The following SLC25A20 variants were observed in gnomAD, a reference collection of about 807,000 sequenced individuals.
SLC25A20 encodes the protein solute carrier family 25 member 20, also known as mitochondrial carnitine/acylcarnitine carrier protein.
Under a neutral mutation model 39.7 loss-of-function variants are expected in SLC25A20, and 29 were observed. That is an observed-to-expected ratio of 0.73 (90% CI 0.54 to 1.00). The LOEUF is 1.00. Ranked by LOEUF, SLC25A20 falls within the 50% of genes least tolerant of loss-of-function variation. SLC25A20 has a pLI of 0.00. For synonymous variants in SLC25A20, 103 were observed against 142.2 expected, an observed-to-expected ratio of 0.72 and a Z score of 1.96; for missense variants, 333 against 379.9, an observed-to-expected ratio of 0.88 and a Z score of 1.03.
intron 5 of SLC25A20, among the ~76,000 whole-genome samples, chr3:48,861,715 A>C (rs1435411074): frequency 3.3e-5 from 5 of 151,642 alleles, no homozygotes; most frequent in African/African-American, 9.7e-5. Context: ...TGACAGAGCA[A>C]GACTCTGTCT....
chr3:48,882,408 A>G (rs2083801385), intron 3 of SLC25A20, among the ~76,000 whole-genome samples: 1 of 152,172 alleles, frequency 6.6e-6, no homozygotes, highest in Non-Finnish European at 1.5e-5. Context: ...TCTTCTCTCA[A>G]TCAGGTGATA....
At chr3:48,898,654 C>T in intron 1 of SLC25A20, 36 bp downstream of exon 1, 1 of 1,551,394 alleles carries the variant, frequency 6.4e-7, no homozygotes, top group Non-Finnish European at 8.8e-7. Context: ...CCCGCCCGGG[C>T]CTCCTCCCCA....
Position 48,898,713 on chromosome 3 carries a change from C to T in SLC25A20, c.82G>A (p.Gly28Ser), listed in dbSNP as rs747335514. ...GFGGVCLVFVGHPLDTVKVRL... is the reference protein window; with the variant it reads ...GFGGVCLVFVSHPLDTVKVRL... ...ACCTTGACCGTGTCCAGAGGGTGAC[C>T]GACGAACACCAGGCACACGCCGCCA... Residue 28 changes from glycine (G) to serine (S), a missense_variant, in exon 1 of 9, where the codon GGT becomes AGT. Transcript: ENST00000319017. 1.2e-6 allele frequency: 2 copies of T among 1,607,344 alleles called. No homozygotes were observed. The highest frequency in any genetic ancestry group is 1.7e-5 in the Admixed American group (1 of 59,178).
intron 3 of SLC25A20, among the ~76,000 whole-genome samples, chr3:48,883,394 C>CA (rs758017067): frequency 2.1e-4 from 31 of 151,026 alleles, no homozygotes; most frequent in East Asian, 4.0e-4. Flanking sequence ...ACTAAACACA[C>CA]AAAAAAATTA....
chr3:48,858,719 A>G (rs1381513247), intron 7 of SLC25A20, 88 bp from the exon 8 acceptor site: 3 of 1,547,112 alleles, frequency 1.9e-6, no homozygotes. Context: ...GCACAGGGAA[A>G]GGACACCTTG....
intron 4 of SLC25A20, among the ~76,000 whole-genome samples, chr3:48,868,209 G>T (rs1160764823): frequency 6.6e-6 from 1 of 151,930 alleles, no homozygotes; most frequent in East Asian, 1.9e-4. Flanking sequence ...GAAGGTGGGG[G>T]GTTGAGAAGA....
At chr3:48,864,347 C>CAAAAAAA (rs55843120) in intron 4 of SLC25A20, among the ~76,000 whole-genome samples, 14 of 48,090 alleles carry the variant, frequency 2.9e-4, no homozygotes, top group Non-Finnish European at 4.2e-4. Flanking sequence ...GACTCTGTCT[C>CAAAAAAA]AAAAAAAAAA....
chr3:48,880,701 C>T (rs2083790191), intron 3 of SLC25A20, among the ~76,000 whole-genome samples: 1 of 151,658 alleles, frequency 6.6e-6, no homozygotes, highest in African/African-American at 2.4e-5. Context: ...ACCTCAACCT[C>T]CTGAGTAGCT....
intron 3 of SLC25A20, among the ~76,000 whole-genome samples, chr3:48,883,741 C>G (rs1323679150): frequency 6.6e-6 from 1 of 150,692 alleles, no homozygotes; most frequent in Non-Finnish European, 1.5e-5. Flanking sequence ...CCTGCCTCGG[C>G]CTTCCAAGTA....
intron 4 of SLC25A20, among the ~76,000 whole-genome samples, chr3:48,870,937 T>C (rs1373037289): frequency 1.3e-5 from 2 of 151,608 alleles, no homozygotes; most frequent in Non-Finnish European, 2.9e-5. Flanking sequence ...GTGATTCTTG[T>C]GCCTCAGCCA....
At chr3:48,866,787 C>T (rs2083672865) in intron 4 of SLC25A20, among the ~76,000 whole-genome samples, 1 of 151,636 alleles carries the variant, frequency 6.6e-6, no homozygotes, top group Admixed American at 6.6e-5. Context: ...CATGCCACCA[C>T]ACCTATTTTT....
intron 4 of SLC25A20, among the ~76,000 whole-genome samples, chr3:48,865,131 A>G (rs2083656877): frequency 1.1e-5 from 1 of 89,278 alleles, no homozygotes; most frequent in Admixed American, 1.4e-4. Context: ...AGTTGGAGAT[A>G]TAATTTTTTT....
intron 5 of SLC25A20, among the ~76,000 whole-genome samples, chr3:48,862,306 C>A (rs753715044): frequency 6.6e-6 from 1 of 152,176 alleles, no homozygotes; most frequent in African/African-American, 2.4e-5. Context: ...CTTGCCACTC[C>A]CCTCCAACTG....
At chr3:48,880,043 GC>G (rs912637389) in intron 3 of SLC25A20, among the ~76,000 whole-genome samples, 7 of 152,150 alleles carry the variant, frequency 4.6e-5, no homozygotes, top group Non-Finnish European at 1.0e-4. Context: ...CATGCAACGT[GC>G]TGTAAGACGC....
chr3:48,891,353 G>GC (rs1460140283), intron 2 of SLC25A20, among the ~76,000 whole-genome samples: 5 of 152,268 alleles, frequency 3.3e-5, no homozygotes, highest in African/African-American at 1.2e-4. Context: ...GGGATTATAG[G>GC]CGTAAGCCAC....
At position 48,885,761 on chromosome 3, in the gene SLC25A20, C is replaced by T. The variant is rs532471527; in HGVS notation, c.199-1637G>A. On this transcript the variant is annotated intron_variant, in intron 2 of 8. Coordinates refer to ENST00000319017, the MANE Select transcript of SLC25A20 (RefSeq NM_000387.6). ...AGGTTGCAGTGAGCCGAGATTGTGC[C>T]ACTGTACTCCAGCCTGGCAACACAG... Among the ~76,000 whole-genome samples, 3 of 152,190 alleles carry T rather than the reference C, an allele frequency of 2.0e-5. No homozygotes were observed. The South Asian group carries it at 6.2e-4, about 32-fold the overall frequency.
At chr3:48,897,775 A>C (rs1451845655) in intron 1 of SLC25A20, among the ~76,000 whole-genome samples, 1 of 152,052 alleles carries the variant, frequency 6.6e-6, no homozygotes, top group African/African-American at 2.4e-5. Flanking sequence ...ATGGGCTTCC[A>C]ATCTTTTAAA....
chr3:48,865,763 T>G (rs2083662848), intron 4 of SLC25A20, among the ~76,000 whole-genome samples: 1 of 146,734 alleles, frequency 6.8e-6, no homozygotes, highest in Non-Finnish European at 1.5e-5. Context: ...AGCGAGACTC[T>G]GTCTCAAACA....
chr3:48,870,327 G>A (rs1271512912), intron 4 of SLC25A20, among the ~76,000 whole-genome samples: 1 of 152,160 alleles, frequency 6.6e-6, no homozygotes, highest in Non-Finnish European at 1.5e-5. Context: ...CTTGAACCCA[G>A]GAGGCGGAGG....
Sources: gnomAD v4.1 joint callset for allele counts (sites outside exome capture counted in the v4.1 genomes callset) on GRCh38, gnomAD v4.1.1 for gene constraint, MANE v1.5 for transcripts, NCBI Gene and HGNC (gene_info 2026-07-23, HGNC 2026-07-21) for gene names.